The following LSAMP variants were observed in gnomAD, a reference collection of about 807,000 sequenced individuals.
LSAMP encodes the protein limbic system-associated membrane protein.
LSAMP carries 7 observed loss-of-function variants against 38.6 expected under a neutral mutation model. The observed-to-expected ratio is 0.18, with a 90% CI of 0.10 to 0.34. The LOEUF (loss-of-function observed/expected upper bound fraction) is 0.34, where lower values mean the gene tolerates loss of function less well. Ranked by LOEUF, LSAMP falls within the 10% of genes least tolerant of loss-of-function variation. The pLI is 1.00. For missense variants in LSAMP, 313 were observed against 420.0 expected (o/e 0.75, Z 2.23); for synonymous variants, 154 against 166.8 (o/e 0.92, Z 0.59).
chr3:116,411,689 A>AT (rs963887808), intron 1 of LSAMP, among the ~76,000 whole-genome samples: 14 of 149,916 alleles, frequency 9.3e-5, no homozygotes, highest in Non-Finnish European at 1.9e-4. Flanking sequence ...TGACGAGTTA[A>AT]TGGGTGCAGC....
intron 3 of LSAMP, among the ~76,000 whole-genome samples, chr3:115,970,258 G>T (rs1576269649): frequency 6.6e-6 from 1 of 152,198 alleles, no homozygotes; most frequent in East Asian, 1.9e-4. Context: ...CTTTTGAAAT[G>T]AGTTGGATAA....
At chr3:116,233,110 C>T (rs1000845687) in intron 1 of LSAMP, among the ~76,000 whole-genome samples, 1 of 151,914 alleles carries the variant, frequency 6.6e-6, no homozygotes, top group African/African-American at 2.4e-5. Flanking sequence ...CCATTTAGAA[C>T]ATCTGAGAGC....
At chr3:116,366,398 C>G (rs527345409) in intron 1 of LSAMP, among the ~76,000 whole-genome samples, 2 of 152,160 alleles carry the variant, frequency 1.3e-5, no homozygotes, top group East Asian at 3.9e-4. Flanking sequence ...AAAATGAAGG[C>G]CAAGATTGAT....
At chr3:116,304,494 G>A (rs1035002736) in intron 1 of LSAMP, among the ~76,000 whole-genome samples, 1 of 152,126 alleles carries the variant, frequency 6.6e-6, no homozygotes, top group South Asian at 2.1e-4. Context: ...GAAGTTCAAA[G>A]TATGAAGGAT....
At chr3:116,406,801 G>C (rs2048903612) in intron 1 of LSAMP, among the ~76,000 whole-genome samples, 1 of 151,910 alleles carries the variant, frequency 6.6e-6, no homozygotes, top group Non-Finnish European at 1.5e-5. Flanking sequence ...AAAATAAAGA[G>C]AGTAACAGGG....
intron 1 of LSAMP, among the ~76,000 whole-genome samples, chr3:116,113,646 C>T (rs1306177335): frequency 1.3e-5 from 2 of 151,428 alleles, no homozygotes; most frequent in African/African-American, 2.4e-5. Context: ...AGGATGGTCT[C>T]GATCTCCTGG....
intron 3 of LSAMP, among the ~76,000 whole-genome samples, chr3:115,921,488 T>G (rs1937381371): frequency 6.6e-6 from 1 of 152,110 alleles, no homozygotes; most frequent in Admixed American, 6.5e-5. Context: ...TGCCACAAAT[T>G]ATATCCTTTT....
chr3:116,051,446 G>A (rs1941395088), intron 2 of LSAMP, among the ~76,000 whole-genome samples: 2 of 152,174 alleles, frequency 1.3e-5, no homozygotes, highest in Admixed American at 6.5e-5. Flanking sequence ...AAAGGCAGCA[G>A]CATTCTCTCC....
intron 3 of LSAMP, among the ~76,000 whole-genome samples, chr3:115,912,569 G>T (rs548441802): frequency 6.6e-6 from 1 of 152,158 alleles, no homozygotes; most frequent in African/African-American, 2.4e-5. Flanking sequence ...TCTTGGCAAG[G>T]GATACTGTGT....
In LSAMP at chr3:116,115,186, A is replaced by G. The variant is rs143193822; in HGVS notation, c.156-28630T>C. 1.3e-4 allele frequency among the ~76,000 whole-genome samples: 20 copies of G among 152,376 alleles called. No homozygotes were observed. In the East Asian group the frequency reaches 3.7e-3, roughly 28 times the overall value. On this transcript the variant is annotated intron_variant, in intron 1 of 6. Coordinates refer to ENST00000490035, the MANE Select transcript of LSAMP (RefSeq NM_002338.5). ...AGCCAATACATTTGCATTACTTTCA[A>G]TGCAGAATGAAGACAGCAAAGCTGA...
At chr3:116,119,357 C>T (rs1708822929) in intron 1 of LSAMP, among the ~76,000 whole-genome samples, 1 of 151,652 alleles carries the variant, frequency 6.6e-6, no homozygotes, top group Admixed American at 6.6e-5. Context: ...TATTACATGA[C>T]TATATAGATA....
intron 1 of LSAMP, among the ~76,000 whole-genome samples, chr3:116,208,777 G>A (rs1286412110): frequency 6.6e-6 from 1 of 152,200 alleles, no homozygotes; most frequent in Non-Finnish European, 1.5e-5. Context: ...CCAGCTGCGT[G>A]CTGGGAGAAC....
chr3:116,291,344 A>G (rs1416970213), intron 1 of LSAMP, among the ~76,000 whole-genome samples: 2 of 152,170 alleles, frequency 1.3e-5, no homozygotes, highest in African/African-American at 4.8e-5. Context: ...AATTTGACCA[A>G]AAGCACTGGC....
At chr3:116,305,809 T>A (rs929949427) in intron 1 of LSAMP, among the ~76,000 whole-genome samples, 2 of 151,972 alleles carry the variant, frequency 1.3e-5, no homozygotes, top group South Asian at 4.1e-4. Context: ...AAGAGAAACC[T>A]ATATTACAAT....
intron 3 of LSAMP, among the ~76,000 whole-genome samples, chr3:116,007,340 G>T (rs576609462): frequency 1.3e-5 from 2 of 152,184 alleles, no homozygotes; most frequent in South Asian, 4.2e-4. Flanking sequence ...AAGTGACATG[G>T]GGTAATTTTA....
chr3:116,428,411 T>C (rs977366531), intron 1 of LSAMP, among the ~76,000 whole-genome samples: 5 of 152,110 alleles, frequency 3.3e-5, no homozygotes, highest in African/African-American at 4.8e-5. Context: ...TAAGCTGAGA[T>C]TGCACCACTA....
In LSAMP at chr3:116,422,598, G is replaced by A. The variant is rs150869306; in HGVS notation, c.155+22279C>T. 3.5e-3 allele frequency among the ~76,000 whole-genome samples: 526 copies of A among 152,214 alleles called. 1 individual carries two copies. The highest frequency in any genetic ancestry group is 0.012 in the African/African-American group (497 of 41,522). ...GCCCAGAGTCTGGAGTACAAATGGG[G>A]ACTGACTAAAGGTGGGCATGAAAAA... is the stretch of plus-strand genomic sequence containing the variant. On this transcript the variant is annotated intron_variant, in intron 1 of 6. Coordinates refer to ENST00000490035, the MANE Select transcript of LSAMP (RefSeq NM_002338.5).
At chr3:116,038,306 C>T (rs1941093132) in intron 2 of LSAMP, among the ~76,000 whole-genome samples, 1 of 152,032 alleles carries the variant, frequency 6.6e-6, no homozygotes, top group East Asian at 1.9e-4. Flanking sequence ...TAATAAATGT[C>T]ACTAATCTCT....
chr3:116,196,827 C>T (rs1710892962), intron 1 of LSAMP, among the ~76,000 whole-genome samples: 2 of 152,092 alleles, frequency 1.3e-5, no homozygotes, highest in Non-Finnish European at 2.9e-5. Flanking sequence ...GGTTACCCTC[C>T]CACCAGGCAC....
Sources: gnomAD v4.1 joint callset for allele counts (sites outside exome capture counted in the v4.1 genomes callset) on GRCh38, gnomAD v4.1.1 for gene constraint, MANE v1.5 for transcripts, NCBI Gene and HGNC (gene_info 2026-07-23, HGNC 2026-07-21) for gene names.